The following TRAF3 variants were observed in gnomAD, a reference collection of about 807,000 sequenced individuals.
TRAF3 encodes TNF receptor-associated factor 3.
In TRAF3, 13 loss-of-function variants were observed where a neutral mutation model predicts 62.3. That is an observed-to-expected ratio of 0.21 (90% CI 0.14 to 0.33). TRAF3 has a LOEUF of 0.33. Among genes scored for constraint, TRAF3 ranks in the 10% least tolerant of loss-of-function variants. TRAF3 has a pLI of 1.00. For missense variants in TRAF3, 440 were observed against 741.8 expected (o/e 0.59, Z 4.73); for synonymous variants, 269 against 283.4 (o/e 0.95, Z 0.51).
intron 6 of TRAF3, among the ~76,000 whole-genome samples, chr14:102,880,816 G>A (rs149265117): frequency 6.6e-6 from 1 of 152,316 alleles, no homozygotes; most frequent in East Asian, 1.9e-4. Flanking sequence ...CGTGGCTTAC[G>A]CCTATAATCG....
intron 6 of TRAF3, among the ~76,000 whole-genome samples, chr14:102,881,446 C>T (rs771395281): frequency 1.3e-5 from 2 of 151,498 alleles, no homozygotes; most frequent in East Asian, 1.9e-4. Context: ...TTTGCAGGGA[C>T]GTGGATGGAG....
intron 7 of TRAF3, among the ~76,000 whole-genome samples, chr14:102,887,918 G>C (rs1358726610): frequency 6.6e-6 from 1 of 152,012 alleles, no homozygotes; most frequent in African/African-American, 2.4e-5. Context: ...TTAAAACATT[G>C]TTAAACCTGC....
At chr14:102,845,805 T>C (rs1022171444) in intron 2 of TRAF3, among the ~76,000 whole-genome samples, 1 of 151,766 alleles carries the variant, frequency 6.6e-6, no homozygotes, top group Non-Finnish European at 1.5e-5. Context: ...TGTGAGCCAC[T>C]GCGCCCAGCC....
chr14:102,833,153 A>T (rs1885752795), intron 2 of TRAF3, among the ~76,000 whole-genome samples: 1 of 152,090 alleles, frequency 6.6e-6, no homozygotes, highest in African/African-American at 2.4e-5. Context: ...TTGCCTGTGG[A>T]CTGTCAGCTC....
In TRAF3 at chr14:102,905,909, G is replaced by A. The variant is rs574635624; in HGVS notation, c.*125G>A. 390 of 898,284 alleles carry A rather than the reference G, an allele frequency of 4.3e-4. 3 individuals carry two copies. In the African/African-American group the frequency reaches 5.7e-3, roughly 13 times the overall value. The allele number at this position is 898,284 out of a possible 1,614,324, so 55.6% of individuals were successfully genotyped here. A position where few individuals can be genotyped will look rare whatever the true frequency, so the allele number is the denominator to read the frequency against. ...TGAGACGGAGGAAGCGGCAGAAGGC[G>A]GACGCGTGCCGGCGGGAGGAGCCAC... On this transcript the variant is annotated 3_prime_UTR_variant, in exon 12 of 12. Coordinates refer to ENST00000392745, the MANE Select transcript of TRAF3 (RefSeq NM_145725.3).
intron 2 of TRAF3, among the ~76,000 whole-genome samples, chr14:102,854,799 C>CTATTTTTTTTT (rs1566777023): frequency 8.8e-6 from 1 of 113,618 alleles, no homozygotes; most frequent in Non-Finnish European, 1.7e-5. Context: ...CCGCACCTGG[C>CTATTTTTTTTT]TGTTTTTTTT....
chr14:102,786,892 G>A (rs1897530980), intron 1 of TRAF3, among the ~76,000 whole-genome samples: 1 of 152,120 alleles, frequency 6.6e-6, no homozygotes, highest in Admixed American at 6.6e-5. Flanking sequence ...TACTCAGGAG[G>A]CTGATGCGGG....
intron 2 of TRAF3, among the ~76,000 whole-genome samples, chr14:102,844,062 C>T (rs1886547386): frequency 6.6e-6 from 1 of 152,196 alleles, no homozygotes; most frequent in Admixed American, 6.5e-5. Context: ...AAACCTTAAC[C>T]AGTCCTATGA....
At chr14:102,802,137 C>T (rs1231829986) in intron 1 of TRAF3, among the ~76,000 whole-genome samples, 1 of 148,062 alleles carries the variant, frequency 6.8e-6, no homozygotes, top group African/African-American at 2.5e-5. Flanking sequence ...CAGGCATGAG[C>T]CATTGCACCT....
chr14:102,871,504 T>A (rs749384122), intron 3 of TRAF3, among the ~76,000 whole-genome samples: 2 of 152,152 alleles, frequency 1.3e-5, no homozygotes, highest in Non-Finnish European at 2.9e-5. Context: ...GGCCTTCCAA[T>A]AGACAGTGAA....
intron 4 of TRAF3, among the ~76,000 whole-genome samples, chr14:102,874,511 G>A (rs897340059): frequency 2.0e-5 from 3 of 151,940 alleles, no homozygotes; most frequent in Non-Finnish European, 2.9e-5. Context: ...CACCCACCTC[G>A]GCCTCCCAAA....
Position 102,820,614 on chromosome 14 carries a change from A to ATT in TRAF3, c.-156-9690_-156-9689dup, listed in dbSNP as rs57149106. On this transcript the variant is annotated intron_variant, in intron 1 of 11. Coordinates refer to ENST00000392745, the MANE Select transcript of TRAF3 (RefSeq NM_145725.3). ...TATATATATATATATATATATATATATTTTTTTTTTTTTTTTTTTTTTTTT... is the reference window on the plus strand; with the variant it reads ...TATATATATATATATATATATATATATTTTTTTTTTTTTTTTTTTTTTTTTTT... 5.6e-4 allele frequency among the ~76,000 whole-genome samples: 10 copies of ATT among 17,912 alleles called. 1 individual carries two copies. The highest frequency in any genetic ancestry group is 1.8e-3 in the East Asian group (1 of 550). 11.8% of individuals were successfully genotyped at this position (17,912 alleles called of 152,430 possible).
intron 1 of TRAF3, among the ~76,000 whole-genome samples, chr14:102,802,028 A>T (rs975179790): frequency 1.3e-5 from 2 of 150,180 alleles, no homozygotes; most frequent in Admixed American, 6.6e-5. Flanking sequence ...AAAAAAAAAA[A>T]AATTTTTTTT....
chr14:102,862,546 C>T (rs992297076), intron 2 of TRAF3, among the ~76,000 whole-genome samples: 2 of 152,072 alleles, frequency 1.3e-5, no homozygotes, highest in Non-Finnish European at 2.9e-5. Context: ...AGTCACTTCT[C>T]TCTTGCTGCT....
At chr14:102,866,850 A>AACAC (rs538121314) in intron 2 of TRAF3, among the ~76,000 whole-genome samples, 18,436 of 132,046 alleles carry the variant, frequency 0.14, 1,503 homozygotes, top group Non-Finnish European at 0.19. Flanking sequence ...ATCTCTTGAA[A>AACAC]ACACACACAC....
rs145125681 is a variant in TRAF3 at position 102,814,871 on chromosome 14, T to A, written c.-156-15463T>A. Among the ~76,000 whole-genome samples, 30 of 152,360 alleles carry A rather than the reference T, an allele frequency of 2.0e-4. 1 individual carries two copies. The East Asian group carries it at 5.6e-3, about 28-fold the overall frequency. On this transcript the variant is annotated intron_variant, in intron 1 of 11. Transcript: ENST00000392745. ...TCTTTGATGTACAAAAGTTTTTAAC[T>A]TTAAATGAAGTCCAGTTTATCTACT...
intron 1 of TRAF3, among the ~76,000 whole-genome samples, chr14:102,798,069 G>A (rs550651811): frequency 4.6e-5 from 7 of 152,218 alleles, no homozygotes; most frequent in African/African-American, 1.7e-4. Flanking sequence ...GGGAAAGAGA[G>A]GACAGGATAT....
In TRAF3 at chr14:102,910,428, C is replaced by G. The variant is rs559517273; in HGVS notation, c.*4644C>G. On this transcript the variant is annotated 3_prime_UTR_variant, in exon 12 of 12. Coordinates refer to ENST00000392745, the MANE Select transcript of TRAF3 (RefSeq NM_145725.3). ...TTTCCGTTTGCAAATCTCAGTAGCT[C>G]TGTTTTCTCCAAAGTAGAATGTGCG... The G allele has an allele frequency of 1.3e-5, 2 of 152,360 alleles. No homozygotes were observed. The highest frequency in any genetic ancestry group is 4.8e-5 in the African/African-American group (2 of 41,570). The allele number at this position is 152,360 out of a possible 1,614,324, so 9.4% of individuals were successfully genotyped here.
intron 6 of TRAF3, among the ~76,000 whole-genome samples, chr14:102,879,688 G>A (rs1052146908): frequency 6.6e-6 from 1 of 150,876 alleles, no homozygotes; most frequent in African/African-American, 2.4e-5. Flanking sequence ...GGCAAAAACG[G>A]CAATTACTTT....
Sources: gnomAD v4.1 joint callset for allele counts (sites outside exome capture counted in the v4.1 genomes callset) on GRCh38, gnomAD v4.1.1 for gene constraint, MANE v1.5 for transcripts, NCBI Gene and HGNC (gene_info 2026-07-23, HGNC 2026-07-21) for gene names.